Variants in PTPRK observed in about 807,000 individuals in gnomAD.
PTPRK encodes the protein receptor-type tyrosine-protein phosphatase kappa.
PTPRK carries 75 observed loss-of-function variants against 178.0 expected under a neutral mutation model. That is an observed-to-expected ratio of 0.42 (90% CI 0.35 to 0.51). PTPRK has a LOEUF of 0.51. PTPRK is among the 20% of genes least tolerant of loss of function. PTPRK has a pLI of 0.02. For synonymous variants in PTPRK, 637 were observed against 620.6 expected (o/e 1.03, Z -0.39); for missense variants, 1,441 against 1,797.8 (o/e 0.80, Z 3.59).
chr6:128,210,858 G>A (rs1484752490), intron 6 of PTPRK, among the ~76,000 whole-genome samples: 4 of 152,036 alleles, frequency 2.6e-5, no homozygotes, highest in Admixed American at 6.6e-5. Flanking sequence ...TCTTCCTAAC[G>A]AAGGTACAAG....
At chr6:128,127,570 C>G (rs1793584230) in intron 7 of PTPRK, among the ~76,000 whole-genome samples, 1 of 152,156 alleles carries the variant, frequency 6.6e-6, no homozygotes, top group Admixed American at 6.5e-5. Flanking sequence ...TGCTTATGAC[C>G]TAGGATTTTA....
intron 3 of PTPRK, among the ~76,000 whole-genome samples, chr6:128,254,198 G>A (rs1397785838): frequency 1.3e-5 from 2 of 152,092 alleles, no homozygotes; most frequent in African/African-American, 4.8e-5. Context: ...GTTGAATTTA[G>A]GGATAGAACG....
At chr6:128,359,439 T>A (rs1300301002) in intron 2 of PTPRK, among the ~76,000 whole-genome samples, 1 of 151,716 alleles carries the variant, frequency 6.6e-6, no homozygotes, top group Non-Finnish European at 1.5e-5. Flanking sequence ...AAGTTATCTG[T>A]TTGTTTTTGT....
At chr6:128,055,428 T>C (rs1333240240) in intron 13 of PTPRK, among the ~76,000 whole-genome samples, 1 of 152,182 alleles carries the variant, frequency 6.6e-6, no homozygotes, top group East Asian at 1.9e-4. Context: ...GAGTTGGATA[T>C]ATTTTTTCTA....
chr6:128,117,872 C>T (rs1157059605), intron 7 of PTPRK, among the ~76,000 whole-genome samples: 3 of 152,060 alleles, frequency 2.0e-5, no homozygotes, highest in South Asian at 2.1e-4. Flanking sequence ...AGACTGGTCT[C>T]GAACTCCTGA....
chr6:128,445,090 T>G (rs1370974874), intron 1 of PTPRK, among the ~76,000 whole-genome samples: 1 of 151,124 alleles, frequency 6.6e-6, no homozygotes, highest in African/African-American at 2.4e-5. Context: ...AAGGGCCAGG[T>G]GCGGTAGCTC....
intron 7 of PTPRK, among the ~76,000 whole-genome samples, chr6:128,113,157 TA>T (rs1790944621): frequency 6.6e-6 from 1 of 152,068 alleles, no homozygotes; most frequent in African/African-American, 2.4e-5. Flanking sequence ...CCTTTGTTTC[TA>T]ATTACACCAG....
chr6:128,015,069 A>G (rs1370797344), intron 13 of PTPRK, among the ~76,000 whole-genome samples: 1 of 151,776 alleles, frequency 6.6e-6, no homozygotes, highest in Non-Finnish European at 1.5e-5. Context: ...ATAAAATTAC[A>G]GATTAATACT....
chr6:128,472,727 T>C (rs952528295), intron 1 of PTPRK: 2 of 334,908 alleles, frequency 6.0e-6, no homozygotes, highest in Non-Finnish European at 1.2e-5. Flanking sequence ...TATTCTCTTA[T>C]ATAATCACAA....
intron 13 of PTPRK, among the ~76,000 whole-genome samples, chr6:128,029,644 T>C (rs1423628088): frequency 9.2e-6 from 1 of 108,350 alleles, no homozygotes; most frequent in Non-Finnish European, 1.9e-5. Context: ...CTCAAAATAA[T>C]AATAATAATA....
intron 1 of PTPRK, among the ~76,000 whole-genome samples, chr6:128,423,481 G>A (rs1342086526): frequency 6.6e-6 from 1 of 150,410 alleles, no homozygotes; most frequent in Non-Finnish European, 1.5e-5. Context: ...TAGACCATAA[G>A]AACATAATGT....
At position 128,071,891 on chromosome 6, in the gene PTPRK, C is replaced by A. The variant is rs185026126; in HGVS notation, c.1884-4099G>T. ...TCCAATTTTTAAATCTGTTTCTGTC[C>A]TTGTTATTTTCTTATTTATCAATAC... On this transcript the variant is annotated intron_variant, in intron 11 of 29. Transcript: ENST00000368226. Among the ~76,000 whole-genome samples, 786 of 152,034 alleles carry A rather than the reference C, an allele frequency of 5.2e-3. 10 individuals carry two copies. The highest frequency in any genetic ancestry group is 7.1e-3 in the Non-Finnish European group (481 of 67,906).
rs1247122795 is a variant in PTPRK at position 127,976,742 on chromosome 6, T to C, written c.3884A>G (p.Tyr1295Cys). Reference sequence around the variant, plus strand: ...CATACATTCCACTTGGATGGGGCCATATCGTAGCATCCCTTCCTCTGGCCA... The same window carrying C: ...CATACATTCCACTTGGATGGGGCCACATCGTAGCATCCCTTCCTCTGGCCA... ...QYWPEEGMLR[Y>C]GPIQVECMSC... The change falls in exon 27 of 30, where the codon TAT (tyrosine) becomes TGT (cysteine). Residue 1295 changes from tyrosine (Y) to cysteine (C), a missense_variant. Coordinates refer to ENST00000368226, the MANE Select transcript of PTPRK (RefSeq NM_002844.4). 3.1e-6 allele frequency: 5 copies of C among 1,613,910 alleles called. No individual in the cohort carries two copies. Among genetic ancestry groups the C allele is most frequent in the Non-Finnish European group, 4.2e-6 (5 of 1,179,926 alleles).
intron 2 of PTPRK, among the ~76,000 whole-genome samples, chr6:128,394,203 CTTTCA>C (rs1173134904): frequency 1.3e-5 from 2 of 152,150 alleles, no homozygotes; most frequent in Non-Finnish European, 2.9e-5. Flanking sequence ...AGCAATGGTT[CTTTCA>C]TTTATTTGCA....
intron 1 of PTPRK, among the ~76,000 whole-genome samples, chr6:128,479,603 A>C (rs745800608): frequency 1.3e-5 from 2 of 151,954 alleles, no homozygotes; most frequent in Non-Finnish European, 1.5e-5. Flanking sequence ...ATAGGTTTTC[A>C]CTCTCTGCCT....
intron 7 of PTPRK, among the ~76,000 whole-genome samples, chr6:128,161,664 G>A (rs990403931): frequency 1.3e-5 from 2 of 151,574 alleles, no homozygotes; most frequent in Non-Finnish European, 3.0e-5. Context: ...AAGGGTATAT[G>A]TGGGTGCTGA....
intron 13 of PTPRK, among the ~76,000 whole-genome samples, chr6:128,057,005 C>T (rs1043611482): frequency 2.6e-5 from 4 of 151,886 alleles, no homozygotes; most frequent in African/African-American, 9.7e-5. Context: ...TAAAGTAGGC[C>T]CATATTCTCT....
intron 2 of PTPRK, among the ~76,000 whole-genome samples, chr6:128,329,839 C>T (rs1830038022): frequency 6.6e-6 from 1 of 152,104 alleles, no homozygotes; most frequent in Non-Finnish European, 1.5e-5. Flanking sequence ...CACCCTATCG[C>T]TGAGTCTAAT....
At position 128,437,597 on chromosome 6, in the gene PTPRK, C is replaced by T. The variant is rs185118748; in HGVS notation, c.101-39909G>A. ...TAAATACATTTTTAAACAAACAGGT[C>T]GACTCCAAAGCCTTAGCGATTATTT... On this transcript the variant is annotated intron_variant, in intron 1 of 29. Coordinates refer to ENST00000368226, the MANE Select transcript of PTPRK (RefSeq NM_002844.4). Among the ~76,000 whole-genome samples, 19 of 152,212 alleles carry T rather than the reference C, an allele frequency of 1.2e-4. No homozygotes were observed. The East Asian group carries it at 3.7e-3, about 29-fold the overall frequency.
Sources: gnomAD v4.1 joint callset for allele counts (sites outside exome capture counted in the v4.1 genomes callset) on GRCh38, gnomAD v4.1.1 for gene constraint, MANE v1.5 for transcripts, NCBI Gene and HGNC (gene_info 2026-07-23, HGNC 2026-07-21) for gene names.